The following ECT2 variants were observed in gnomAD, a reference collection of about 807,000 sequenced individuals.
ECT2 encodes epithelial cell transforming 2.
Under a neutral mutation model 116.9 loss-of-function variants are expected in ECT2, and 61 were observed. That is an observed-to-expected ratio of 0.52 (90% CI 0.42 to 0.65). The LOEUF (loss-of-function observed/expected upper bound fraction) is 0.65, where lower values mean the gene tolerates loss of function less well. ECT2 is among the 30% of genes least tolerant of loss of function. The pLI is 0.00. For synonymous variants in ECT2, 358 were observed against 346.4 expected, an observed-to-expected ratio of 1.03 and a Z score of -0.37; for missense variants, 937 against 1,078.7, an observed-to-expected ratio of 0.87 and a Z score of 1.84.
chr3:172,822,138 A>G (rs1290127864), downstream of ECT2, among the ~76,000 whole-genome samples: 1 of 151,976 alleles, frequency 6.6e-6, no homozygotes, highest in East Asian at 1.9e-4. Context: ...CAAGAATCCA[A>G]GGTTAGTTCA....
Position 172,802,867 on chromosome 3 carries a change from C to CT in ECT2, c.1997dup (p.Leu666PhefsTer12). 1.2e-6 allele frequency: 2 copies of CT among 1,612,198 alleles called. No individual in the cohort carries two copies. Among genetic ancestry groups the CT allele is most frequent in the Non-Finnish European group, 1.7e-6 (2 of 1,179,250 alleles). On this transcript the variant is annotated frameshift_variant, in exon 20 of 25. Transcript: ENST00000392692. LOFTEE classifies it high-confidence loss of function. The stretch of plus-strand genomic sequence containing the variant: ...ATATTTTCAACCTATACAGGCTAAT[C>CT]TTTTATCTTCTCACCGAAGCTTAGT...
At chr3:172,798,702 G>A (rs1328035881) in intron 18 of ECT2, among the ~76,000 whole-genome samples, 2 of 152,050 alleles carry the variant, frequency 1.3e-5, no homozygotes, top group East Asian at 3.8e-4. Context: ...TGTAAATATA[G>A]ATAGAACATT....
At chr3:172,819,485 T>G (rs1218027540) in intron 24 of ECT2, among the ~76,000 whole-genome samples, 1 of 152,106 alleles carries the variant, frequency 6.6e-6, no homozygotes, top group African/African-American at 2.4e-5. Flanking sequence ...CACTCAATTT[T>G]TATACGGAAC....
At chr3:172,796,032 G>A (rs1182345672) in intron 18 of ECT2, among the ~76,000 whole-genome samples, 2 of 152,172 alleles carry the variant, frequency 1.3e-5, no homozygotes, top group African/African-American at 4.8e-5. Flanking sequence ...GGAAAAACCA[G>A]TGTGGGAGAG....
chr3:172,807,259 T>C (rs138842632), intron 21 of ECT2, among the ~76,000 whole-genome samples: 24 of 152,304 alleles, frequency 1.6e-4, no homozygotes, highest in Non-Finnish European at 2.9e-4. Flanking sequence ...ATGACAAGAA[T>C]AAAAAGTCTG....
intron 4 of ECT2, among the ~76,000 whole-genome samples, chr3:172,756,386 C>G (rs2108394944): frequency 6.6e-6 from 1 of 152,102 alleles, no homozygotes; most frequent in East Asian, 1.9e-4. Flanking sequence ...AAAGTGTTTA[C>G]TGTAAGTAAC....
chr3:172,760,843 C>G (rs1191841508), intron 7 of ECT2, among the ~76,000 whole-genome samples: 1 of 151,324 alleles, frequency 6.6e-6, no homozygotes, highest in African/African-American at 2.4e-5. Flanking sequence ...GCCTCAGCCT[C>G]CCGAGTAGCT....
intron 24 of ECT2, among the ~76,000 whole-genome samples, chr3:172,819,169 A>G (rs1299340461): frequency 1.3e-5 from 2 of 152,264 alleles, no homozygotes; most frequent in East Asian, 3.9e-4. Flanking sequence ...GTAAACTTTT[A>G]TATTATACAT....
intron 24 of ECT2, chr3:172,818,875 T>C: frequency 8.8e-7 from 1 of 1,139,640 alleles, no homozygotes; most frequent in Non-Finnish European, 1.1e-6. Context: ...ACATATTTTT[T>C]CTCCAAGGAA....
At chr3:172,822,673 TATA>T (rs1421496269), downstream of ECT2, among the ~76,000 whole-genome samples, 1 of 151,892 alleles carries the variant, frequency 6.6e-6, no homozygotes, top group Non-Finnish European at 1.5e-5. Context: ...AAAAAGATAA[TATA>T]AGAAAGAACT....
chr3:172,759,094 A>C (rs1717689478), intron 6 of ECT2, 25 bp downstream of exon 6: 1 of 1,498,868 alleles, frequency 6.7e-7, no homozygotes, highest in Non-Finnish European at 9.1e-7. Context: ...ACAAATTCAA[A>C]GCGTATTTTT....
intron 22 of ECT2, among the ~76,000 whole-genome samples, chr3:172,814,081 A>T (rs955636075): frequency 1.3e-5 from 2 of 152,100 alleles, no homozygotes; most frequent in Non-Finnish European, 2.9e-5. Flanking sequence ...TTTGTACAGG[A>T]TAAGCAACCT....
chr3:172,776,208 T>TC (rs985566935), intron 14 of ECT2, among the ~76,000 whole-genome samples: 1 of 130,662 alleles, frequency 7.7e-6, no homozygotes, highest in African/African-American at 4.0e-5. Context: ...CTTTTTTTTT[T>TC]TTTTTTTTTT....
intron 18 of ECT2, among the ~76,000 whole-genome samples, chr3:172,798,352 C>T (rs1726108421): frequency 6.6e-6 from 1 of 152,030 alleles, no homozygotes; most frequent in Non-Finnish European, 1.5e-5. Context: ...TTTTTGTCAT[C>T]CGGTTAGGGT....
At chr3:172,805,093 A>G (rs1202350142) in intron 20 of ECT2, among the ~76,000 whole-genome samples, 2 of 152,142 alleles carry the variant, frequency 1.3e-5, no homozygotes, top group Non-Finnish European at 2.9e-5. Flanking sequence ...AATGGAAATT[A>G]TGGTACATTC....
At chr3:172,760,868 G>A (rs1007639414) in intron 7 of ECT2, among the ~76,000 whole-genome samples, 3 of 151,428 alleles carry the variant, frequency 2.0e-5, no homozygotes, top group Non-Finnish European at 4.4e-5. Flanking sequence ...CTACAGGTGC[G>A]CACCACCATG....
At chr3:172,767,013 T>G (rs1432912005) in intron 12 of ECT2, among the ~76,000 whole-genome samples, 1 of 152,216 alleles carries the variant, frequency 6.6e-6, no homozygotes, top group African/African-American at 2.4e-5. Flanking sequence ...CACAGAATAA[T>G]TAAATTAGAT....
At chr3:172,765,043 C>T (rs1254577090) in intron 12 of ECT2, among the ~76,000 whole-genome samples, 2 of 152,150 alleles carry the variant, frequency 1.3e-5, no homozygotes, top group African/African-American at 2.4e-5. Flanking sequence ...CTCCTCCGGA[C>T]CTCATGACAC....
Position 172,802,238 on chromosome 3 carries a change from C to G in ECT2, c.1908-378C>G, listed in dbSNP as rs182756474. Among the ~76,000 whole-genome samples, 307 of 152,050 alleles carry G rather than the reference C, an allele frequency of 2.0e-3. 1 individual carries two copies. The highest frequency in any genetic ancestry group is 7.1e-3 in the African/African-American group (294 of 41,466). On this transcript the variant is annotated intron_variant, in intron 18 of 24. Transcript: ENST00000392692. ...CAAGTGATTCTCCTGCCTCAGCCGCCGAGTAGCTGGGATTACAGGTGCCTG... is the reference window on the plus strand; with the variant it reads ...CAAGTGATTCTCCTGCCTCAGCCGCGGAGTAGCTGGGATTACAGGTGCCTG...
Sources: allele counts gnomAD v4.1 joint callset (sites outside exome capture counted in the v4.1 genomes callset), GRCh38; gene constraint gnomAD v4.1.1; transcripts MANE v1.5; gene names NCBI Gene and HGNC (gene_info 2026-07-23, HGNC 2026-07-21).